GPC4: variants seen among roughly 807,000 people sequenced by gnomAD.
GPC4 encodes the protein glypican 4.
Under a neutral mutation model 35.0 loss-of-function variants are expected in GPC4, and 10 were observed. That is an observed-to-expected ratio of 0.29 (90% confidence interval 0.18 to 0.48). The LOEUF is 0.48. GPC4 is among the 20% of genes least tolerant of loss of function. GPC4 has a pLI of 0.99. For missense variants in GPC4, 322 were observed against 451.3 expected, an observed-to-expected ratio of 0.71 and a Z score of 2.60; for synonymous variants, 167 against 170.2, an observed-to-expected ratio of 0.98 and a Z score of 0.15.
chrX:133,362,941 C>T (rs907749517), intron 1 of GPC4, among the ~76,000 whole-genome samples: 3 of 111,475 alleles, frequency 2.7e-5, no homozygotes, highest in African/African-American at 9.8e-5. Flanking sequence ...GCCAGGCTGA[C>T]GGTAGAATGG....
intron 2 of GPC4, among the ~76,000 whole-genome samples, chrX:133,327,395 C>CAT (rs755553636): frequency 1.8e-5 from 2 of 111,474 alleles, no homozygotes; most frequent in Non-Finnish European, 3.8e-5. Context: ...CAAAGTGCTG[C>CAT]AAGTCAAACA....
At chrX:133,320,696 T>C (rs2124117334) in intron 3 of GPC4, among the ~76,000 whole-genome samples, 1 of 109,654 alleles carries the variant, frequency 9.1e-6, no homozygotes, top group African/African-American at 3.3e-5. Flanking sequence ...GGGGATCTTT[T>C]TTTTTCTATT....
chrX:133,399,519 C>T (rs926658106), intron 1 of GPC4, among the ~76,000 whole-genome samples: 3 of 111,764 alleles, frequency 2.7e-5, no homozygotes, highest in Non-Finnish European at 5.6e-5. Flanking sequence ...CACCCACCTC[C>T]GTTTAACTTT....
chrX:133,314,247 A>G, intron 3 of GPC4, among the ~76,000 whole-genome samples: 1 of 112,290 alleles, frequency 8.9e-6, no homozygotes, highest in Non-Finnish European at 1.9e-5. Context: ...TTCAGAAAAC[A>G]CTTCTTTTTT....
chrX:133,392,539 C>T lies in GPC4; in HGVS notation c.160+22267G>A, dbSNP rs375398156. Among the ~76,000 whole-genome samples, 27 of 107,078 alleles carry T rather than the reference C, an allele frequency of 2.5e-4. 2 individuals are homozygous for T. The highest frequency in any genetic ancestry group is 2.1e-3 in the Admixed American group (20 of 9,599). 93.0% of individuals were successfully genotyped at this position (107,078 alleles called of 115,157 possible). A position where few individuals can be genotyped will look rare whatever the true frequency, so the allele number is the denominator to read the frequency against. On this transcript the variant is annotated intron_variant, in intron 1 of 8. Coordinates refer to ENST00000370828, the MANE Select transcript of GPC4 (RefSeq NM_001448.3). ...CTATACAGCTGCATCTTGTATGTCC[C>T]AATTGTGTTTCCATTGGGGATGCCC...
chrX:133,319,443 CAAAAAA>C (rs369290840), intron 3 of GPC4, among the ~76,000 whole-genome samples: 205 of 16,872 alleles, frequency 0.012, 3 homozygotes, highest in Middle Eastern at 0.048. Context: ...GACCCTATGT[CAAAAAA>C]AAAAAAAAAA....
intron 1 of GPC4, among the ~76,000 whole-genome samples, chrX:133,366,228 T>C (rs1052033285): frequency 8.9e-6 from 1 of 112,456 alleles, no homozygotes; most frequent in Non-Finnish European, 1.9e-5. Flanking sequence ...TGTTATTACA[T>C]AATGGCACAC....
rs1196528089 is a variant in GPC4 at position 133,415,060 on chromosome X, C to T, written c.-95G>A. Reference sequence around the variant, plus strand: ...GAGGGCTGGCGGAGTCGGGGACTAGCGAGTGGAGCTGGAGGGAGAAGGAGT... The same window carrying T: ...GAGGGCTGGCGGAGTCGGGGACTAGTGAGTGGAGCTGGAGGGAGAAGGAGT... On this transcript the variant is annotated 5_prime_UTR_variant, in exon 1 of 9. Coordinates refer to ENST00000370828, the MANE Select transcript of GPC4 (RefSeq NM_001448.3). The T allele has an allele frequency of 3.3e-6, 3 of 903,177 alleles. No homozygotes were observed. In the East Asian group the frequency reaches 9.9e-5, roughly 30 times the overall value. 74.4% of individuals were successfully genotyped at this position (903,177 alleles called of 1,213,427 possible).
At chrX:133,352,239 T>C (rs761005577) in intron 1 of GPC4, among the ~76,000 whole-genome samples, 1 of 111,996 alleles carries the variant, frequency 8.9e-6, no homozygotes, top group African/African-American at 3.2e-5. Flanking sequence ...GGAGGTGCCT[T>C]TGGACAAAGT....
chrX:133,305,326 G>A, intron 6 of GPC4, among the ~76,000 whole-genome samples: 1 of 111,952 alleles, frequency 8.9e-6, no homozygotes, highest in Non-Finnish European at 1.9e-5. Context: ...ATATTACTGT[G>A]GATAAAGCAA....
Position 133,302,750 on chromosome X carries a change from G to T in GPC4, c.*117C>A. ...CACTTCTTAAACCAGTGGCCACATAGTAAAAACTGTACATTGTTGTCCATT... is the reference window on the plus strand; with the variant it reads ...CACTTCTTAAACCAGTGGCCACATATTAAAAACTGTACATTGTTGTCCATT... On this transcript the variant is annotated 3_prime_UTR_variant, in exon 9 of 9. Transcript: ENST00000370828. 1 of 677,167 alleles carries T rather than the reference G, an allele frequency of 1.5e-6. No individual in the cohort carries two copies. Among genetic ancestry groups the T allele is most frequent in the South Asian group, 2.8e-5 (1 of 35,914 alleles). 55.8% of individuals were successfully genotyped at this position (677,167 alleles called of 1,213,427 possible).
intron 1 of GPC4, among the ~76,000 whole-genome samples, chrX:133,392,731 C>T (rs188027971): frequency 1.5e-4 from 16 of 109,654 alleles, no homozygotes; most frequent in Non-Finnish European, 3.0e-4. Flanking sequence ...CCAAAAGAAG[C>T]GGCTAAACTC....
intron 4 of GPC4, among the ~76,000 whole-genome samples, chrX:133,310,825 G>A (rs893548846): frequency 1.8e-5 from 2 of 111,530 alleles, no homozygotes; most frequent in South Asian, 3.8e-4. Flanking sequence ...ACTTTCAGGC[G>A]GGAAATATCA....
intron 1 of GPC4, among the ~76,000 whole-genome samples, chrX:133,371,734 T>C (rs913458999): frequency 8.0e-5 from 9 of 111,820 alleles, no homozygotes; most frequent in Middle Eastern, 4.2e-3. Context: ...CCTTAGGCCA[T>C]TATACCACTT....
chrX:133,310,887 G>A (rs777115814), intron 4 of GPC4, among the ~76,000 whole-genome samples: 1 of 110,969 alleles, frequency 9.0e-6, no homozygotes, highest in Non-Finnish European at 1.9e-5. Context: ...AGGGCTTTTG[G>A]GGGGCTGAGG....
chrX:133,396,470 C>G (rs754005540), intron 1 of GPC4, among the ~76,000 whole-genome samples: 6 of 112,090 alleles, frequency 5.4e-5, no homozygotes, highest in Non-Finnish European at 9.4e-5. Context: ...TTTCTGAAAT[C>G]AATAACTGCG....
In GPC4 at chrX:133,414,770, G is replaced by A. The variant is rs766943794; in HGVS notation, c.160+36C>T. The stretch of plus-strand genomic sequence containing the variant: ...TTGCAGCCTCCCTTCCCGAAGTGTC[G>A]GTCTCTGCGCCCACCTCCCGGGTGT... On this transcript the variant is annotated intron_variant, in intron 1 of 8. Coordinates refer to ENST00000370828, the MANE Select transcript of GPC4 (RefSeq NM_001448.3). 5.0e-6 allele frequency: 6 copies of A among 1,197,621 alleles called. No individual in the cohort carries two copies. In the Middle Eastern group the frequency reaches 7.3e-4, roughly 146 times the overall value.
chrX:133,404,053 T>C (rs956707954), intron 1 of GPC4, among the ~76,000 whole-genome samples: 4 of 111,455 alleles, frequency 3.6e-5, no homozygotes, highest in African/African-American at 1.3e-4. Context: ...TATCCTTAAC[T>C]TCTAGTGTTT....
intron 6 of GPC4, among the ~76,000 whole-genome samples, chrX:133,305,069 G>A (rs1775841485): frequency 8.9e-6 from 1 of 111,795 alleles, no homozygotes; most frequent in South Asian, 3.8e-4. Context: ...AGCTCCAAAG[G>A]AGTGGCCTAG....
Sources: allele counts gnomAD v4.1 joint callset (sites outside exome capture counted in the v4.1 genomes callset), GRCh38; gene constraint gnomAD v4.1.1; transcripts MANE v1.5; gene names NCBI Gene and HGNC (gene_info 2026-07-23, HGNC 2026-07-21).